Variants in CD96 observed in about 807,000 individuals in gnomAD.
CD96 encodes the protein CD96 molecule.
In CD96, 70 loss-of-function variants were observed where a neutral mutation model predicts 71.3. The ratio of observed to expected loss-of-function variants is 0.98; its 90% CI spans 0.81 to 1.20. The LOEUF (loss-of-function observed/expected upper bound fraction) is 1.20, where lower values mean the gene tolerates loss of function less well. Ranked by LOEUF, CD96 falls within the 50% of genes most tolerant of loss-of-function variation. The pLI is 0.00. For synonymous variants in CD96, 248 were observed against 233.0 expected, an observed-to-expected ratio of 1.06 and a Z score of -0.59; for missense variants, 742 against 677.5, an observed-to-expected ratio of 1.10 and a Z score of -1.06.
intron 8 of CD96, among the ~76,000 whole-genome samples, chr3:111,621,930 A>T (rs962935826): frequency 3.3e-5 from 5 of 152,316 alleles, no homozygotes; most frequent in African/African-American, 1.2e-4. Flanking sequence ...TTAGGTAGTC[A>T]ATCTTGTGCA....
At chr3:111,577,514 A>C (rs770903900) in intron 3 of CD96, 5 of 1,607,280 alleles carry the variant, frequency 3.1e-6, no homozygotes, top group Non-Finnish European at 4.3e-6. Flanking sequence ...AAACAGCAGC[A>C]CGGATTCTTG....
chr3:111,661,155 G>T (rs764493607), intron 14 of CD96, among the ~76,000 whole-genome samples: 1 of 152,038 alleles, frequency 6.6e-6, no homozygotes, highest in Non-Finnish European at 1.5e-5. Context: ...AGAGTGAAGG[G>T]GAAAGTGCTA....
intron 2 of CD96, among the ~76,000 whole-genome samples, chr3:111,547,613 G>T (rs1357569474): frequency 1.3e-5 from 2 of 152,168 alleles, no homozygotes; most frequent in African/African-American, 2.4e-5. Flanking sequence ...TGCCTTTAAA[G>T]AAATGTATTT....
At chr3:111,574,911 G>A (rs1936156247) in intron 3 of CD96, among the ~76,000 whole-genome samples, 2 of 151,432 alleles carry the variant, frequency 1.3e-5, no homozygotes, top group African/African-American at 4.9e-5. Context: ...AGCCTCCCAA[G>A]GAACTGGGAC....
At chr3:111,585,420 G>A in intron 5 of CD96, 42 bp downstream of exon 5, 1 of 1,272,188 alleles carries the variant, frequency 7.9e-7, no homozygotes. Flanking sequence ...AGTATTACAT[G>A]TAAGGTGTGT....
intron 5 of CD96, chr3:111,592,821 T>C (rs1937055383): frequency 6.6e-6 from 1 of 151,908 alleles, no homozygotes; most frequent in Non-Finnish European, 1.5e-5. Context: ...AGTTGAGAGG[T>C]TTTTCATTTC....
intron 10 of CD96, 26 bp from the exon 11 acceptor site, chr3:111,637,170 A>G: frequency 1.6e-6 from 2 of 1,269,210 alleles, no homozygotes; most frequent in South Asian, 2.4e-5. Flanking sequence ...ATATAGGTTA[A>G]CTCTTCTGAT....
intron 6 of CD96, among the ~76,000 whole-genome samples, chr3:111,598,992 G>A (rs1452403292): frequency 1.3e-5 from 2 of 151,070 alleles, no homozygotes; most frequent in African/African-American, 2.5e-5. Flanking sequence ...ATTTTGAGAC[G>A]GAGTCTGGCT....
intron 12 of CD96, 149 bp from the exon 13 acceptor site, chr3:111,647,394 G>T: frequency 1.3e-6 from 1 of 754,752 alleles, no homozygotes; most frequent in South Asian, 1.4e-5. Context: ...ACCTCATGTA[G>T]GTAACAAGGC....
At chr3:111,609,119 C>T (rs778075426) in intron 8 of CD96, among the ~76,000 whole-genome samples, 4 of 151,934 alleles carry the variant, frequency 2.6e-5, no homozygotes, top group Non-Finnish European at 4.4e-5. Context: ...CTCGAAAGAA[C>T]GTTCTAAACA....
At chr3:111,600,646 G>C (rs1937449912) in intron 6 of CD96, 80 bp from the exon 7 acceptor site, 1 of 1,067,576 alleles carries the variant, frequency 9.4e-7, no homozygotes, top group Admixed American at 1.7e-5. Flanking sequence ...ACCACAAATT[G>C]ATCATGCCAT....
intron 1 of CD96, among the ~76,000 whole-genome samples, chr3:111,544,692 A>C (rs927711433): frequency 6.6e-6 from 1 of 152,204 alleles, no homozygotes; most frequent in Non-Finnish European, 1.5e-5. Context: ...CAATTATATT[A>C]AACGTAAGAA....
chr3:111,590,132 C>T (rs1936910765), intron 5 of CD96, among the ~76,000 whole-genome samples: 1 of 152,252 alleles, frequency 6.6e-6, no homozygotes, highest in East Asian at 1.9e-4. Context: ...ACCCAGAATA[C>T]AGACTGTGGG....
At chr3:111,555,275 T>C (rs1466737849) in intron 2 of CD96, among the ~76,000 whole-genome samples, 1 of 152,304 alleles carries the variant, frequency 6.6e-6, no homozygotes, top group East Asian at 1.9e-4. Context: ...ATATGAAGAC[T>C]ACATATATAA....
At chr3:111,559,015 C>G (rs1272167555) in intron 2 of CD96, among the ~76,000 whole-genome samples, 1 of 152,158 alleles carries the variant, frequency 6.6e-6, no homozygotes, top group Non-Finnish European at 1.5e-5. Flanking sequence ...GTAGTATTCT[C>G]TGATGGTAGT....
At chr3:111,545,009 A>G in intron 1 of CD96, 37 bp from the exon 2 acceptor site, 1 of 1,542,272 alleles carries the variant, frequency 6.5e-7, no homozygotes, top group East Asian at 2.2e-5. Flanking sequence ...TTCTATGTGA[A>G]TTATTTAAAC....
At position 111,585,463 on chromosome 3, in the gene CD96, A is replaced by G. The variant is rs1039826441; in HGVS notation, c.807+85A>G. 35 of 880,408 alleles carry G rather than the reference A, an allele frequency of 4.0e-5. 1 individual carries two copies. Among genetic ancestry groups the G allele is most frequent in the Non-Finnish European group, 5.8e-5 (30 of 519,448 alleles). The allele number at this position is 880,408 out of a possible 1,614,324, so 54.5% of individuals were successfully genotyped here. ...CATAGTTGCCAGGAATGTTCTCTCA[A>G]AGAACTTTACTCCTTGGCCCTTGAC... On this transcript the variant is annotated intron_variant, in intron 5 of 13. Transcript: ENST00000352690.
chr3:111,600,618 C>A (rs1937448300), intron 6 of CD96, 108 bp from the exon 7 acceptor site: 2 of 814,848 alleles, frequency 2.5e-6, no homozygotes, highest in Non-Finnish European at 4.2e-6. Context: ...GCCATTTGAC[C>A]ACTTTAGACT....
rs765570853 is a variant in CD96 at position 111,623,788 on chromosome 3, T to G, written c.1215T>G (p.Asp405Glu). 21 of 1,612,482 alleles carry G rather than the reference T, an allele frequency of 1.3e-5. No homozygotes were observed. The highest frequency in any genetic ancestry group is 1.7e-5 in the Non-Finnish European group (20 of 1,178,590). ...CTACATCTTCAGTGACCCTTGTAGA[T>G]GTGAGTGCCTTGAGGCCAAACACCA... Reference protein sequence around the residue: ...YPATSSVTLVDVSALRPNTTP... With the variant: ...YPATSSVTLVEVSALRPNTTP... Residue 405 changes from aspartate to glutamate, a missense_variant, in exon 9 of 14, where the codon GAT becomes GAG. By Grantham distance (45) the Asp-to-Glu change is conservative. Coordinates refer to ENST00000352690, the MANE Select transcript of CD96 (RefSeq NM_005816.5).
Sources: gnomAD v4.1 joint callset for allele counts (sites outside exome capture counted in the v4.1 genomes callset) on GRCh38, gnomAD v4.1.1 for gene constraint, MANE v1.5 for transcripts, NCBI Gene and HGNC (gene_info 2026-07-23, HGNC 2026-07-21) for gene names.